The following CLN3 variants were observed in gnomAD, a reference collection of about 807,000 sequenced individuals.
The protein encoded by CLN3 is battenin.
A neutral mutation model predicts 60.7 loss-of-function variants in CLN3; 49 were observed. That is an observed-to-expected ratio of 0.81 (90% CI 0.64 to 1.02). CLN3 has a LOEUF of 1.02. Ranked by LOEUF, CLN3 falls within the 50% of genes least tolerant of loss-of-function variation. The pLI, the probability that CLN3 is intolerant of heterozygous loss-of-function variation, is 0.00. For synonymous variants in CLN3, 256 were observed against 245.8 expected (o/e 1.04, Z -0.39); for missense variants, 516 against 557.4 (o/e 0.93, Z 0.75).
At chr16:28,479,471 C>T (rs2046051021) in intron 14 of CLN3, 1 of 152,594 alleles carries the variant, frequency 6.6e-6, no homozygotes, top group Non-Finnish European at 1.5e-5. Flanking sequence ...CCTGTAATCC[C>T]AGCTACGCAG....
At position 28,477,508 on chromosome 16, in the gene CLN3, C is replaced by A; in HGVS notation, c.*8G>T. 1 of 1,612,794 alleles carries A rather than the reference C, an allele frequency of 6.2e-7. No individual in the cohort carries two copies. The highest frequency in any genetic ancestry group is 1.1e-5 in the South Asian group (1 of 91,034). On this transcript the variant is annotated 3_prime_UTR_variant, in exon 16 of 16. Transcript: ENST00000636147. ...TGAATGTGACCTGCGTCCTGAGGAT[C>A]CCGAGTATCAGGAGAGCTGGCAGAG... is the stretch of plus-strand genomic sequence containing the variant.
chr16:28,471,859 TG>T (rs2141687806), downstream of CLN3, among the ~76,000 whole-genome samples: 3 of 152,100 alleles, frequency 2.0e-5, no homozygotes, highest in East Asian at 5.8e-4. Context: ...CCTTCATGAT[TG>T]ACCTCTCAGG....
intron 14 of CLN3, among the ~76,000 whole-genome samples, chr16:28,480,151 C>T (rs181733390): frequency 7.1e-4 from 108 of 151,488 alleles, no homozygotes; most frequent in African/African-American, 2.4e-3. Context: ...GATGAGGTCT[C>T]GTGATGTTAC....
intron 5 of CLN3, 21 bp downstream of exon 5, chr16:28,488,570 C>A (rs1368021212): frequency 6.2e-7 from 1 of 1,612,398 alleles, no homozygotes; most frequent in Admixed American, 1.7e-5. Context: ...CAGGCAAGGA[C>A]CAGGTGAGAT....
chr16:28,480,702 T>C (rs1043134643), intron 14 of CLN3, among the ~76,000 whole-genome samples: 76 of 152,278 alleles, frequency 5.0e-4, no homozygotes, highest in Non-Finnish European at 1.0e-4. Context: ...CCACCAGGAC[T>C]GGCCAAGTTC....
Position 28,484,056 on chromosome 16 carries a change from C to T in CLN3, c.740G>A (p.Ser247Asn), listed in dbSNP as rs1295758958. ...QDPGGEEEAE[S>N]AARQPLIRTE... ...TCTTATGAGGGGCTGCCGGGCTGCG[C>T]TCTCTGCTTCTTCTTCCCCTCCAGG... The change falls in exon 10 of 16, where the codon AGC becomes AAC. Residue 247 changes from serine (S) to asparagine (N), a missense_variant. Ser to Asn is a conservative substitution (Grantham distance 46). Coordinates refer to ENST00000636147, the MANE Select transcript of CLN3 (RefSeq NM_001042432.2). The T allele has an allele frequency of 3.1e-6, 5 of 1,612,710 alleles. 1 individual carries two copies. In the Admixed American group the frequency reaches 8.4e-5, roughly 27 times the overall value.
At chr16:28,485,647 AGGCTACACATTCGAGGCC>A (rs1243904515) in intron 9 of CLN3, among the ~76,000 whole-genome samples, 2 of 147,796 alleles carry the variant, frequency 1.4e-5, no homozygotes, top group African/African-American at 5.0e-5. Context: ...CAGGCAGGCA[AGGCTACACATTCGAGGCC>A]AACCTGGTCA....
downstream of CLN3, among the ~76,000 whole-genome samples, chr16:28,474,714 A>C (rs2045977389): frequency 6.6e-6 from 1 of 152,244 alleles, no homozygotes; most frequent in African/African-American, 2.4e-5. Flanking sequence ...ACATGTGTCC[A>C]CACAAAAACT....
intron 9 of CLN3, 80 bp from the exon 10 acceptor site, chr16:28,484,198 A>T (rs1283675885): frequency 1.0e-6 from 1 of 960,056 alleles, no homozygotes; most frequent in African/African-American, 1.6e-5. Flanking sequence ...CACTTTTCCC[A>T]GGGAACACCT....
At chr16:28,478,304 CAA>C (rs58199983) in intron 14 of CLN3, among the ~76,000 whole-genome samples, 26 of 88,244 alleles carry the variant, frequency 2.9e-4, no homozygotes, top group East Asian at 3.1e-4. Context: ...GACTCCATCC[CAA>C]AAAAAAAAAA....
intron 15 of CLN3, 35 bp from the exon 16 acceptor site, chr16:28,477,670 C>A (rs958137918): frequency 3.7e-6 from 6 of 1,613,898 alleles, no homozygotes; most frequent in Admixed American, 1.7e-5. Flanking sequence ...AGGCTTCAGT[C>A]CCAGACATCC....
downstream of CLN3, chr16:28,474,218 G>A (rs575802853): frequency 6.6e-6 from 1 of 152,350 alleles, no homozygotes; most frequent in South Asian, 2.1e-4. Flanking sequence ...AGTGAGCAGA[G>A]ACTGCGTCAC....
intron 3 of CLN3, chr16:28,491,098 AAT>A (rs2046306477): frequency 6.0e-6 from 1 of 165,446 alleles, no homozygotes; most frequent in East Asian, 1.7e-4. Flanking sequence ...GATAAAATAA[AAT>A]AAATTAAAAA....
chr16:28,491,268 A>G (rs1284635176), intron 3 of CLN3, among the ~76,000 whole-genome samples: 1 of 152,212 alleles, frequency 6.6e-6, no homozygotes, highest in Admixed American at 6.5e-5. Context: ...AAATAATCCT[A>G]CAGGTGGTAG....
chr16:28,489,232 C>T lies in CLN3; in HGVS notation c.222+58G>A, dbSNP rs2046271703. On this transcript the variant is annotated intron_variant, in intron 4 of 15. Transcript: ENST00000636147. The stretch of plus-strand genomic sequence containing the variant: ...CTGGAAACTTTACCCCACCTTGTCC[C>T]ACCCCCTCATCTTCCCACAGGGACT... 2 of 1,364,724 alleles carry T rather than the reference C, an allele frequency of 1.5e-6. 1 individual carries two copies. The highest frequency in any genetic ancestry group is 3.7e-5 in the Admixed American group (2 of 53,442). The allele number at this position is 1,364,724 out of a possible 1,614,324, so 84.5% of individuals were successfully genotyped here.
Position 28,483,713 on chromosome 16 carries a change from C to CT in CLN3, c.790+292dup, listed in dbSNP as rs755660742. On this transcript the variant is annotated intron_variant, in intron 10 of 15. Coordinates refer to ENST00000636147, the MANE Select transcript of CLN3 (RefSeq NM_001042432.2). ...CTCCCTCCCTTCCTTCCTTTCTTTT[C>CT]TTTTTTTTTTTTTTTTTTTTTTTTT... Among the ~76,000 whole-genome samples the CT allele has an allele frequency of 0.037, 3,693 of 100,362 alleles. 350 individuals are homozygous for CT. The highest frequency in any genetic ancestry group is 0.046 in the Non-Finnish European group (2,449 of 53,780). 65.8% of individuals were successfully genotyped at this position (100,362 alleles called of 152,430 possible).
chr16:28,478,014 C>T, intron 14 of CLN3, 137 bp from the exon 15 acceptor site: 2 of 989,184 alleles, frequency 2.0e-6, no homozygotes, highest in South Asian at 3.0e-5. Context: ...AATCTCAACA[C>T]CAGCCCGGTG....
chr16:28,473,254 CT>C (rs1371620112), downstream of CLN3, among the ~76,000 whole-genome samples: 2 of 152,068 alleles, frequency 1.3e-5, no homozygotes, highest in East Asian at 3.8e-4. Context: ...ACAGGCATAC[CT>C]TGCCAGGATA....
At chr16:28,479,679 G>T in intron 14 of CLN3, 1 of 180,726 alleles carries the variant, frequency 5.5e-6, no homozygotes, top group Non-Finnish European at 1.2e-5. Context: ...TGAGGCTTGA[G>T]AATCGCTTGA....
Sources: allele counts gnomAD v4.1 joint callset (sites outside exome capture counted in the v4.1 genomes callset), GRCh38; gene constraint gnomAD v4.1.1; transcripts MANE v1.5; gene names NCBI Gene and HGNC (gene_info 2026-07-23, HGNC 2026-07-21).